Variants in STXBP4 observed in about 807,000 individuals in gnomAD.
STXBP4 encodes syntaxin binding protein 4, also known as syntaxin-binding protein 4.
Under a neutral mutation model 76.1 loss-of-function variants are expected in STXBP4, and 55 were observed. That is an observed-to-expected ratio of 0.72 (90% CI 0.58 to 0.91). The LOEUF is 0.91. STXBP4 is among the 40% of genes least tolerant of loss of function. The pLI is 0.00. For synonymous variants in STXBP4, 201 were observed against 220.2 expected (o/e 0.91, Z 0.77); for missense variants, 618 against 636.9 (o/e 0.97, Z 0.32).
chr17:55,098,207 T>C (rs1271160580), intron 16 of STXBP4, among the ~76,000 whole-genome samples: 1 of 152,128 alleles, frequency 6.6e-6, no homozygotes, highest in Non-Finnish European at 1.5e-5. Flanking sequence ...TGAGAAACCG[T>C]GTGCTAAAAC....
chr17:55,174,893 G>T (rs2080423526), downstream of STXBP4, among the ~76,000 whole-genome samples: 1 of 152,054 alleles, frequency 6.6e-6, no homozygotes, highest in Non-Finnish European at 1.5e-5. Context: ...AAGATCACAG[G>T]ATTTTAAAGG....
the STXBP4 span, among the ~76,000 whole-genome samples, chr17:55,181,426 C>A: frequency 6.6e-6 from 1 of 152,192 alleles, no homozygotes; most frequent in Non-Finnish European, 1.5e-5. Flanking sequence ...TTCACCTTCC[C>A]TTTGGAGTGC....
At chr17:54,999,933 C>A in intron 6 of STXBP4, 91 bp downstream of exon 6, 1 of 887,886 alleles carries the variant, frequency 1.1e-6, no homozygotes, top group Non-Finnish European at 1.7e-6. Flanking sequence ...AGAATTATTT[C>A]AGTAAAATTG....
intron 12 of STXBP4, among the ~76,000 whole-genome samples, chr17:55,064,748 C>T (rs1015996702): frequency 6.6e-6 from 1 of 152,134 alleles, no homozygotes; most frequent in African/African-American, 2.4e-5. Flanking sequence ...TTGCGATCCA[C>T]CCACCTCCGC....
At chr17:54,975,053 T>C (rs2077451562) in intron 1 of STXBP4, among the ~76,000 whole-genome samples, 1 of 152,212 alleles carries the variant, frequency 6.6e-6, no homozygotes, top group Non-Finnish European at 1.5e-5. Context: ...ACTTTTTAGC[T>C]GATCCTCAGG....
downstream of STXBP4, among the ~76,000 whole-genome samples, chr17:55,174,890 C>G (rs548874638): frequency 5.8e-4 from 89 of 152,160 alleles, no homozygotes; most frequent in African/African-American, 2.1e-3. Context: ...TATAAGATCA[C>G]AGGATTTTAA....
At chr17:54,989,668 A>C (rs536332512) in intron 3 of STXBP4, among the ~76,000 whole-genome samples, 1 of 152,366 alleles carries the variant, frequency 6.6e-6, no homozygotes, top group South Asian at 2.1e-4. Context: ...CACAGTACCC[A>C]GTATTAGTAA....
intron 17 of STXBP4, among the ~76,000 whole-genome samples, chr17:55,144,655 G>A (rs1245066655): frequency 2.0e-5 from 3 of 152,168 alleles, no homozygotes; most frequent in African/African-American, 7.2e-5. Context: ...AGGCTAATTT[G>A]AACTGCTTGT....
chr17:54,977,397 A>G (rs916836927), intron 1 of STXBP4, among the ~76,000 whole-genome samples: 5 of 152,202 alleles, frequency 3.3e-5, no homozygotes, highest in Non-Finnish European at 5.9e-5. Context: ...CATGCCCTAA[A>G]TAATATAGCA....
intron 16 of STXBP4, among the ~76,000 whole-genome samples, chr17:55,104,495 A>G (rs2079606008): frequency 6.6e-6 from 1 of 152,168 alleles, no homozygotes; most frequent in Non-Finnish European, 1.5e-5. Flanking sequence ...CGTGGTGGAT[A>G]AGCTTTTTGA....
At position 55,153,204 on chromosome 17, in the gene STXBP4, G is replaced by C. The variant is rs147066779; in HGVS notation, c.1548-6593G>C. Among the ~76,000 whole-genome samples, 504 of 152,146 alleles carry C rather than the reference G, an allele frequency of 3.3e-3. 2 individuals carry two copies. Among genetic ancestry groups the C allele is most frequent in the African/African-American group, 0.012 (488 of 41,498 alleles). ...CCTAAAAGACAGTTAATTCCATTTA[G>C]TCACAAGTCTAAGTTGGCACTATTA... On this transcript the variant is annotated intron_variant, in intron 17 of 17. Coordinates refer to ENST00000376352, the MANE Select transcript of STXBP4 (RefSeq NM_178509.6).
chr17:55,208,406 T>C, the STXBP4 span, among the ~76,000 whole-genome samples: 1 of 152,114 alleles, frequency 6.6e-6, no homozygotes, highest in African/African-American at 2.4e-5. Flanking sequence ...GGAGATCATA[T>C]AATTTATCAT....
chr17:55,096,589 T>C (rs2079489281), intron 16 of STXBP4, among the ~76,000 whole-genome samples: 1 of 152,108 alleles, frequency 6.6e-6, no homozygotes, highest in Non-Finnish European at 1.5e-5. Flanking sequence ...TTATCTGTTT[T>C]TTTATTGGAA....
At chr17:55,194,329 C>T in the STXBP4 span, among the ~76,000 whole-genome samples, 1 of 151,942 alleles carries the variant, frequency 6.6e-6, no homozygotes, top group East Asian at 1.9e-4. Flanking sequence ...AGTAGGCATT[C>T]TTATTTGTGT....
chr17:55,174,274 C>T (rs2080420689), downstream of STXBP4, among the ~76,000 whole-genome samples: 1 of 152,222 alleles, frequency 6.6e-6, no homozygotes. Flanking sequence ...AAGCTGTTTT[C>T]TAGAATGGCT....
At position 55,161,364 on chromosome 17, in the gene STXBP4, G is replaced by C. The variant is rs926104572; in HGVS notation, c.*1453G>C. On this transcript the variant is annotated 3_prime_UTR_variant, in exon 18 of 18. Transcript: ENST00000376352. ...AGCCATTTGAATGTTAGGAAGCTTC[G>C]GGGAGACAAGTTTTGAGAGAAGCCC... 1.3e-5 allele frequency: 2 copies of C among 152,110 alleles called. No individual in the cohort carries two copies. Among genetic ancestry groups the C allele is most frequent in the East Asian group, 3.9e-4 (2 of 5,190 alleles). The allele number at this position is 152,110 out of a possible 1,614,324, so 9.4% of individuals were successfully genotyped here.
rs188582511 is a variant in STXBP4 at position 55,067,359 on chromosome 17, T to C, written c.1012-5541T>C. Reference sequence around the variant, plus strand: ...TACAAAAGTAGAATGGAAAAACAGATAAGGTGAAATCTGAGATAGATTTTG... The same window carrying C: ...TACAAAAGTAGAATGGAAAAACAGACAAGGTGAAATCTGAGATAGATTTTG... On this transcript the variant is annotated intron_variant, in intron 12 of 17. Coordinates refer to ENST00000376352, the MANE Select transcript of STXBP4 (RefSeq NM_178509.6). Among the ~76,000 whole-genome samples the C allele has an allele frequency of 2.7e-3, 409 of 152,114 alleles. 4 individuals carry two copies. The highest frequency in any genetic ancestry group is 3.5e-3 in the Non-Finnish European group (241 of 67,960).
chr17:55,075,858 G>T (rs2079175804), intron 13 of STXBP4, among the ~76,000 whole-genome samples: 1 of 152,040 alleles, frequency 6.6e-6, no homozygotes. Context: ...AGTGATATCA[G>T]GTTGGTAGCT....
At chr17:55,058,558 A>C (rs553706300) in intron 12 of STXBP4, among the ~76,000 whole-genome samples, 2 of 152,284 alleles carry the variant, frequency 1.3e-5, no homozygotes, top group East Asian at 3.9e-4. Context: ...TCAACATTTT[A>C]TCATAAGTTT....
Sources: allele counts gnomAD v4.1 joint callset (sites outside exome capture counted in the v4.1 genomes callset), GRCh38; gene constraint gnomAD v4.1.1; transcripts MANE v1.5; gene names NCBI Gene and HGNC (gene_info 2026-07-23, HGNC 2026-07-21).